Variants in PTPRA observed in about 807,000 individuals in gnomAD.
PTPRA encodes the protein receptor-type tyrosine-protein phosphatase alpha.
A neutral mutation model predicts 104.8 loss-of-function variants in PTPRA; 25 were observed. That is an observed-to-expected ratio of 0.24 (90% CI 0.17 to 0.33). PTPRA has a LOEUF of 0.33. Among genes scored for constraint, PTPRA ranks in the 10% least tolerant of loss-of-function variants. The probability of loss-of-function intolerance (pLI) is 1.00; values close to 1 mark genes in which losing one functional copy is unlikely to be tolerated. For synonymous variants in PTPRA, 323 were observed against 368.9 expected (o/e 0.88, Z 1.43); for missense variants, 765 against 1,015.3 (o/e 0.75, Z 3.35).
chr20:2,944,322 G>A (rs1221980964), intron 2 of PTPRA, among the ~76,000 whole-genome samples: 1 of 152,236 alleles, frequency 6.6e-6, no homozygotes, highest in Admixed American at 6.5e-5. Context: ...GATTACAGGC[G>A]TGAGCCACCA....
intron 1 of PTPRA, among the ~76,000 whole-genome samples, chr20:2,890,432 ATTTG>A (rs1442989258): frequency 1.3e-5 from 2 of 152,074 alleles, no homozygotes; most frequent in Non-Finnish European, 2.9e-5. Context: ...TACTCTATGT[ATTTG>A]TTTGTTTTAA....
rs144638842 is a variant in PTPRA, at chr20:2,939,163, C to T, written c.-49-8819C>T. Among the ~76,000 whole-genome samples, 208 of 152,290 alleles carry T rather than the reference C, an allele frequency of 1.4e-3. 1 individual carries two copies. The highest frequency in any genetic ancestry group is 4.7e-3 in the African/African-American group (195 of 41,556). On this transcript the variant is annotated intron_variant, in intron 2 of 23. Transcript: ENST00000399903. ...TTAGGTGTTATTCCGGAGCAGTGTT[C>T]AGTTCTTATGCCTTTTGCTGTGTTG...
intron 20 of PTPRA, among the ~76,000 whole-genome samples, chr20:3,030,460 C>G (rs945656970): frequency 1.3e-5 from 2 of 152,146 alleles, no homozygotes; most frequent in Admixed American, 1.3e-4. Flanking sequence ...AGTTCACTTT[C>G]TGTTCCATTC....
At chr20:2,879,577 C>G (rs61091656) in intron 1 of PTPRA, among the ~76,000 whole-genome samples, 6,217 of 152,142 alleles carry the variant, frequency 0.041, 309 homozygotes, top group Admixed American at 0.11. Flanking sequence ...CCACCCGCAG[C>G]CATTTTAATT....
intron 9 of PTPRA, among the ~76,000 whole-genome samples, chr20:3,002,082 A>G (rs1038441026): frequency 3.3e-5 from 5 of 152,040 alleles, no homozygotes; most frequent in Non-Finnish European, 7.4e-5. Flanking sequence ...CAAGGCTGCA[A>G]TGAGCTATGA....
At chr20:2,893,123 C>G (rs2058863107) in intron 1 of PTPRA, among the ~76,000 whole-genome samples, 1 of 152,170 alleles carries the variant, frequency 6.6e-6, no homozygotes. Context: ...GTTTGTTTCT[C>G]AATTAAACTG....
At chr20:2,955,573 A>T in intron 3 of PTPRA, 1 of 939,082 alleles carries the variant, frequency 1.1e-6, no homozygotes, top group Non-Finnish European at 1.3e-6. Flanking sequence ...TTCTCAAGAG[A>T]AGACATATAA....
At chr20:2,891,369 C>A (rs1227729098) in intron 1 of PTPRA, among the ~76,000 whole-genome samples, 4 of 152,198 alleles carry the variant, frequency 2.6e-5, no homozygotes, top group African/African-American at 4.8e-5. Flanking sequence ...CATGATCCAA[C>A]TCCTCTTAAC....
chr20:2,876,912 G>A (rs2089756121), intron 1 of PTPRA, among the ~76,000 whole-genome samples: 1 of 152,122 alleles, frequency 6.6e-6, no homozygotes, highest in Admixed American at 6.5e-5. Flanking sequence ...CACCCTATGC[G>A]ATTCTAGCCA....
chr20:2,988,081 T>C lies in PTPRA; in HGVS notation c.577T>C (p.Ser193Pro), dbSNP rs1456646492. 3.1e-6 allele frequency: 5 copies of C among 1,590,714 alleles called. No individual in the cohort carries two copies. Among genetic ancestry groups the C allele is most frequent in the Non-Finnish European group, 4.3e-6 (5 of 1,158,762 alleles). ...GAGCCATTCCAATTCTTTCCGCTTA[T>C]CCAACGGCCGCACTGAGGATGTGGG... ...AGSHSNSFRLSNGRTEDVEPQ... is the reference protein window; with the variant it reads ...AGSHSNSFRLPNGRTEDVEPQ... Residue 193 changes from serine (S) to proline (P), a missense_variant, in exon 8 of 24, where the codon TCC becomes CCC. Ser to Pro is a moderately conservative substitution (Grantham distance 74, BLOSUM62 -1). Around this residue, in one of 4 missense-constraint regions of PTPRA, gnomAD observed 256 missense variants for 248.9 expected, o/e 1.03. Transcript: ENST00000399903.
At chr20:2,995,055 G>A (rs1272018793) in intron 9 of PTPRA, among the ~76,000 whole-genome samples, 5 of 152,144 alleles carry the variant, frequency 3.3e-5, no homozygotes, top group East Asian at 1.9e-4. Flanking sequence ...GCTTGAACCC[G>A]GGAGGCAGAG....
intron 3 of PTPRA, among the ~76,000 whole-genome samples, chr20:2,958,307 G>A (rs2061610039): frequency 6.6e-6 from 1 of 152,114 alleles, no homozygotes; most frequent in African/African-American, 2.4e-5. Flanking sequence ...CTGGAGTACA[G>A]CCATTGTCGT....
chr20:2,916,036 TTTTTG>T (rs528314571), intron 1 of PTPRA, among the ~76,000 whole-genome samples: 123 of 152,116 alleles, frequency 8.1e-4, no homozygotes, highest in Non-Finnish European at 3.1e-4. Flanking sequence ...CACTTTGATT[TTTTTG>T]TTTTGTTTTG....
At chr20:3,000,195 G>T (rs1467119670) in intron 9 of PTPRA, among the ~76,000 whole-genome samples, 2 of 152,140 alleles carry the variant, frequency 1.3e-5, no homozygotes, top group African/African-American at 2.4e-5. Flanking sequence ...GGCTGAGGAA[G>T]GAGAATTGCT....
chr20:2,916,174 G>A (rs2059897851), intron 1 of PTPRA, among the ~76,000 whole-genome samples: 1 of 151,770 alleles, frequency 6.6e-6, no homozygotes, highest in Admixed American at 6.6e-5. Flanking sequence ...CAAGTAGTTG[G>A]GATCACAGGC....
Position 2,877,316 on chromosome 20 carries a change from A to G in PTPRA, c.-129+3556A>G, listed in dbSNP as rs182993849. ...GCTCTTGTTGCCCAGGCTGGAATGCAATGGCGCTATCTTGGCTCACGCAAC... is the reference window on the plus strand; with the variant it reads ...GCTCTTGTTGCCCAGGCTGGAATGCGATGGCGCTATCTTGGCTCACGCAAC... On this transcript the variant is annotated intron_variant, in intron 1 of 23. Transcript: ENST00000399903. Among the ~76,000 whole-genome samples, 85 of 152,318 alleles carry G rather than the reference A, an allele frequency of 5.6e-4. 1 individual carries two copies. The East Asian group carries it at 0.015, about 28-fold the overall frequency.
intron 6 of PTPRA, among the ~76,000 whole-genome samples, chr20:2,981,459 G>C (rs1252199416): frequency 6.6e-6 from 1 of 152,160 alleles, no homozygotes; most frequent in African/African-American, 2.4e-5. Context: ...ATTTGCTACA[G>C]ACATCTAATA....
intron 1 of PTPRA, among the ~76,000 whole-genome samples, chr20:2,901,706 A>G (rs2059244772): frequency 6.6e-6 from 1 of 152,104 alleles, no homozygotes; most frequent in South Asian, 2.1e-4. Context: ...TCCGTTTTGA[A>G]ATTTTACAAT....
rs529728967 is a variant in PTPRA at position 3,025,659 on chromosome 20, C to T, written c.1615-1028C>T. Among the ~76,000 whole-genome samples the T allele has an allele frequency of 4.4e-4, 66 of 151,582 alleles. 1 individual carries two copies. Among genetic ancestry groups the T allele is most frequent in the African/African-American group, 1.5e-3 (63 of 41,360 alleles). ...CCAAGTCAGGCAGATCACCTGAGCT[C>T]AGGAGTTCAAGACCAGCCTGACCAA... On this transcript the variant is annotated intron_variant, in intron 17 of 23. Coordinates refer to ENST00000399903, the MANE Select transcript of PTPRA (RefSeq NM_001385305.1).
Sources: allele counts gnomAD v4.1 joint callset (sites outside exome capture counted in the v4.1 genomes callset), GRCh38; gene constraint gnomAD v4.1.1; regional missense constraint gnomAD v4.1.1; transcripts MANE v1.5; gene names NCBI Gene and HGNC (gene_info 2026-07-23, HGNC 2026-07-21).